The following HTR2A variants were observed in gnomAD, a reference collection of about 807,000 sequenced individuals.
HTR2A encodes the protein 5-HT2 receptor.
Under a neutral mutation model 31.0 loss-of-function variants are expected in HTR2A, and 14 were observed. The ratio of observed to expected loss-of-function variants is 0.45; its 90% CI spans 0.30 to 0.71. The LOEUF (loss-of-function observed/expected upper bound fraction) is 0.71. Ranked by LOEUF, HTR2A falls within the 30% of genes least tolerant of loss-of-function variation. The pLI is 0.09. For missense variants in HTR2A, 442 were observed against 573.3 expected (o/e 0.77, Z 2.34); for synonymous variants, 209 against 225.2 (o/e 0.93, Z 0.64).
intron 3 of HTR2A, among the ~76,000 whole-genome samples, chr13:46,857,661 T>C (rs1593433058): frequency 6.6e-6 from 1 of 152,310 alleles, no homozygotes; most frequent in Admixed American, 6.5e-5. Flanking sequence ...CAAAAAGGCT[T>C]TCTGTAGAAA....
At chr13:46,853,056 T>C (rs1380213571) in intron 3 of HTR2A, among the ~76,000 whole-genome samples, 1 of 152,122 alleles carries the variant, frequency 6.6e-6, no homozygotes, top group Non-Finnish European at 1.5e-5. Flanking sequence ...AATTGTTAGG[T>C]AAAAGTTGGT....
intron 3 of HTR2A, among the ~76,000 whole-genome samples, chr13:46,878,001 G>T (rs183497935): frequency 2.6e-5 from 4 of 152,182 alleles, no homozygotes; most frequent in South Asian, 2.1e-4. Flanking sequence ...TGAAATAGAG[G>T]TATGGACCAG....
At chr13:46,894,839 G>A (rs1951088949) in intron 2 of HTR2A, among the ~76,000 whole-genome samples, 1 of 152,188 alleles carries the variant, frequency 6.6e-6, no homozygotes, top group East Asian at 1.9e-4. Context: ...CAGACTGGAG[G>A]AGTTTATGCA....
At chr13:46,877,697 A>G (rs573079612) in intron 3 of HTR2A, among the ~76,000 whole-genome samples, 7 of 152,154 alleles carry the variant, frequency 4.6e-5, no homozygotes, top group Admixed American at 2.0e-4. Flanking sequence ...AGGGGAATAA[A>G]CTAATGATTA....
chr13:46,843,290 G>C (rs939214559), intron 3 of HTR2A, among the ~76,000 whole-genome samples: 20 of 152,134 alleles, frequency 1.3e-4, no homozygotes, highest in Non-Finnish European at 2.6e-4. Flanking sequence ...TTTATCACAG[G>C]TATGTGCACA....
intron 3 of HTR2A, among the ~76,000 whole-genome samples, chr13:46,883,050 T>C (rs1334679276): frequency 6.6e-6 from 1 of 152,218 alleles, no homozygotes; most frequent in Non-Finnish European, 1.5e-5. Flanking sequence ...ATTTTGCTTA[T>C]ATTCACCAAG....
At position 46,876,385 on chromosome 13, in the gene HTR2A, C is replaced by CATATATAT. The variant is rs1213510951; in HGVS notation, c.613+15997_613+16004dup. The stretch of plus-strand genomic sequence containing the variant: ...TTTGCTGTGTGCTTGTATTTTGATT[C>CATATATAT]ATATATATATATATATATATTTTTT... On this transcript the variant is annotated intron_variant, in intron 3 of 3. Transcript: ENST00000542664. Among the ~76,000 whole-genome samples the CATATATAT allele has an allele frequency of 7.8e-3, 730 of 94,140 alleles. 14 individuals are homozygous for CATATATAT. The highest frequency in any genetic ancestry group is 0.027 in the Middle Eastern group (4 of 150). The allele number at this position is 94,140 out of a possible 152,430, so 61.8% of individuals were successfully genotyped here. A position where few individuals can be genotyped will look rare whatever the true frequency, so the allele number is the denominator to read the frequency against.
chr13:46,866,610 C>T (rs1950820175), intron 3 of HTR2A, among the ~76,000 whole-genome samples: 1 of 152,182 alleles, frequency 6.6e-6, no homozygotes, highest in South Asian at 2.1e-4. Context: ...GAGTTAGGTA[C>T]TGTGTTAGGA....
At chr13:46,882,529 A>T (rs1950974854) in intron 3 of HTR2A, among the ~76,000 whole-genome samples, 1 of 152,228 alleles carries the variant, frequency 6.6e-6, no homozygotes, top group East Asian at 1.9e-4. Flanking sequence ...TTAACTTTAT[A>T]GTGGAAAAGG....
At chr13:46,849,001 C>G (rs965030355) in intron 3 of HTR2A, among the ~76,000 whole-genome samples, 2 of 152,152 alleles carry the variant, frequency 1.3e-5, no homozygotes, top group Non-Finnish European at 2.9e-5. Context: ...AAGTAATGAA[C>G]AACTGAGACA....
rs4941572 is a variant in HTR2A at position 46,887,863 on chromosome 13, G to A, written c.613+4527C>T. 1.3e-4 allele frequency among the ~76,000 whole-genome samples: 19 copies of A among 151,270 alleles called. No homozygotes were observed. The South Asian group carries it at 1.3e-3, about 10-fold the overall frequency. On this transcript the variant is annotated intron_variant, in intron 3 of 3. Transcript: ENST00000542664. ...CTCACTAATATGTGGGAGCTGAATC[G>A]TGAGAACACGTGGACACATGGTGGG...
intron 2 of HTR2A, among the ~76,000 whole-genome samples, chr13:46,892,981 C>A (rs114060069): frequency 0.011 from 1,662 of 152,308 alleles, 33 homozygotes; most frequent in African/African-American, 0.038. Context: ...GATTTAGTCA[C>A]ATATTTCTCT....
chr13:46,835,968 T>A (rs7322347), intron 3 of HTR2A, among the ~76,000 whole-genome samples: 72,874 of 151,796 alleles, frequency 0.48, 18,564 homozygotes, highest in African/African-American at 0.63. Flanking sequence ...AAACTAAAAA[T>A]TGTCCAATAA....
intron 3 of HTR2A, among the ~76,000 whole-genome samples, chr13:46,837,083 G>A (rs1432415806): frequency 1.3e-5 from 2 of 152,134 alleles, no homozygotes; most frequent in Non-Finnish European, 1.5e-5. Flanking sequence ...GATCTGTAAG[G>A]CTCCCTCAGG....
chr13:46,834,952 T>C lies in HTR2A; in HGVS notation c.1301A>G (p.Gln434Arg), dbSNP rs778840840. 1 of 1,614,132 alleles carries C rather than the reference T, an allele frequency of 6.2e-7. No individual in the cohort carries two copies. The highest frequency in any genetic ancestry group is 8.5e-7 in the Non-Finnish European group (1 of 1,179,970). ...LQMGQKKNSK[Q>R]DAKTTDNDCS... Reference sequence around the variant, plus strand: ...GTCATTATCTGTTGTCTTGGCATCTTGCTTTGAATTCTTTTTTTGTCCCAT... The same window carrying C: ...GTCATTATCTGTTGTCTTGGCATCTCGCTTTGAATTCTTTTTTTGTCCCAT... Residue 434 changes from glutamine to arginine, a missense_variant, in exon 4 of 4, where the codon CAA becomes CGA. Gln to Arg is a conservative substitution (Grantham distance 43). This residue lies in a region of HTR2A where 88 missense variants were observed against 83.1 expected (regional missense o/e 1.06). Coordinates refer to ENST00000542664, the MANE Select transcript of HTR2A (RefSeq NM_000621.5).
At chr13:46,876,775 T>C (rs1950917504) in intron 3 of HTR2A, among the ~76,000 whole-genome samples, 1 of 152,156 alleles carries the variant, frequency 6.6e-6, no homozygotes, top group Non-Finnish European at 1.5e-5. Context: ...TTTTGCTAGA[T>C]GCTTTATGTT....
In HTR2A at chr13:46,832,913, C is replaced by A. The variant is rs1207394198; in HGVS notation, c.*1924G>T. 1 of 152,064 alleles carries A rather than the reference C, an allele frequency of 6.6e-6. No individual in the cohort carries two copies. The highest frequency in any genetic ancestry group is 2.4e-5 in the African/African-American group (1 of 41,384). 9.4% of individuals were successfully genotyped at this position (152,064 alleles called of 1,614,324 possible). The stretch of plus-strand genomic sequence containing the variant: ...TAACATTGATTCTAATAACAACATG[C>A]AATTTAACCTTGAGTGTTATAATAT... On this transcript the variant is annotated 3_prime_UTR_variant, in exon 4 of 4. Coordinates refer to ENST00000542664, the MANE Select transcript of HTR2A (RefSeq NM_000621.5).
intron 3 of HTR2A, among the ~76,000 whole-genome samples, chr13:46,838,869 C>T (rs992464195): frequency 2.0e-5 from 3 of 152,020 alleles, no homozygotes; most frequent in Non-Finnish European, 4.4e-5. Context: ...TTGCTTATAA[C>T]CTAGTAATGT....
upstream of HTR2A, among the ~76,000 whole-genome samples, chr13:46,897,314 C>T (rs148722908): frequency 3.9e-5 from 6 of 152,200 alleles, no homozygotes; most frequent in East Asian, 1.2e-3. Context: ...GGCTAGAAAA[C>T]AGTATGTCCT....
Sources: gnomAD v4.1 joint callset for allele counts (sites outside exome capture counted in the v4.1 genomes callset) on GRCh38, gnomAD v4.1.1 for gene constraint, gnomAD v4.1.1 regional missense constraint, MANE v1.5 for transcripts, NCBI Gene and HGNC (gene_info 2026-07-23, HGNC 2026-07-21) for gene names.